Variants in APOL2 observed in about 807,000 individuals in gnomAD.
The protein encoded by APOL2 is apolipoprotein L, 2.
A neutral mutation model predicts 7.1 loss-of-function variants in APOL2; 8 were observed. The ratio of observed to expected loss-of-function variants is 1.12; its 90% CI spans 0.66 to 2.03. The LOEUF (loss-of-function observed/expected upper bound fraction) is 2.03, where lower values mean the gene tolerates loss of function less well. Among genes scored for constraint, APOL2 ranks in the 30% most tolerant of loss-of-function variants. The probability of loss-of-function intolerance (pLI) is 0.00; values close to 1 mark genes in which losing one functional copy is unlikely to be tolerated. For synonymous variants in APOL2, 177 were observed against 159.9 expected, an observed-to-expected ratio of 1.11 and a Z score of -0.81; for missense variants, 471 against 415.1, an observed-to-expected ratio of 1.13 and a Z score of -1.17.
upstream of APOL2, chr22:36,239,577 G>T: frequency 6.9e-7 from 1 of 1,458,200 alleles, no homozygotes; most frequent in Non-Finnish European, 9.4e-7. Context: ...ATTCGAAAGG[G>T]AAAGTGAAAG....
At chr22:36,239,719 T>A (rs55771205), upstream of APOL2, 124 of 560,130 alleles carry the variant, frequency 2.2e-4, 3 homozygotes, top group South Asian at 2.6e-3. Context: ...CGGGTCCCTC[T>A]CATCCAACCC....
rs762951536 is a variant in APOL2 at position 36,228,188 on chromosome 22, T to C, written c.230A>G (p.His77Arg). The C allele has an allele frequency of 9.3e-6, 15 of 1,614,128 alleles. No homozygotes were observed. Among genetic ancestry groups the C allele is most frequent in the Non-Finnish European group, 1.3e-5 (15 of 1,180,044 alleles). Residue 77 changes from histidine to arginine, a missense_variant, in exon 5 of 5, where the codon CAC (histidine) becomes CGC (arginine). By Grantham distance (29) the His-to-Arg change is conservative. Coordinates refer to ENST00000358502, the MANE Select transcript of APOL2 (RefSeq NM_030882.4). ...AAACTCTTTCAAAAACCACTGCCTGTGCTGCTGGTCTTTATCGTGGCGGTT... is the reference window on the plus strand; with the variant it reads ...AAACTCTTTCAAAAACCACTGCCTGCGCTGCTGGTCTTTATCGTGGCGGTT... ...DKNRHDKDQQ[H>R]RQWFLKEFPR...
At chr22:36,228,333 A>C in intron 4 of APOL2, 53 bp from the exon 5 acceptor site, 1 of 1,553,450 alleles carries the variant, frequency 6.4e-7, no homozygotes, top group Non-Finnish European at 8.7e-7. Flanking sequence ...TATCTGTGAA[A>C]TGAGCTCCAT....
chr22:36,239,218 T>C, intron 1 of APOL2: 2 of 1,333,342 alleles, frequency 1.5e-6, no homozygotes, highest in South Asian at 2.1e-5. Flanking sequence ...CCATCTAAGC[T>C]GTTTTCCCCA....
At chr22:36,235,773 G>GTA (rs2015384266) in intron 1 of APOL2, among the ~76,000 whole-genome samples, 1 of 150,636 alleles carries the variant, frequency 6.6e-6, no homozygotes, top group Non-Finnish European at 1.5e-5. Context: ...GTGTGTGTGT[G>GTA]TGTGTGTGTG....
intron 1 of APOL2, chr22:36,236,482 T>G (rs529315455): frequency 1.4e-4 from 121 of 838,032 alleles, no homozygotes; most frequent in East Asian, 3.7e-4. Flanking sequence ...ATAGAGGGAG[T>G]GTACAAACAA....
rs1401510934 is a variant in APOL2, at chr22:36,227,667, C to G, written c.751G>C (p.Ala251Pro). Residue 251 changes from alanine to proline, a missense_variant, in exon 5 of 5, where the codon GCT becomes CCT. By Grantham distance (27) the Ala-to-Pro change is conservative (BLOSUM62 -1). Transcript: ENST00000358502. ...CTCTCAACCTGTTCACCGCCTTCAG[C>G]TGAGATTCGCCCAATGACATGCGGG... ...PPPHVIGRIS[A>P]EGGEQVERVV... is the part of the protein sequence containing the mutation. 6.2e-7 allele frequency: 1 copy of G among 1,614,150 alleles called. No individual in the cohort carries two copies. Among genetic ancestry groups the G allele is most frequent in the African/African-American group, 1.3e-5 (1 of 74,950 alleles).
At chr22:36,232,822 C>T (rs1432863865) in intron 3 of APOL2, among the ~76,000 whole-genome samples, 1 of 152,056 alleles carries the variant, frequency 6.6e-6, no homozygotes, top group East Asian at 1.9e-4. Context: ...CCCACCCCTC[C>T]CCTCCTCCTG....
chr22:36,238,795 A>G (rs973412303), intron 1 of APOL2, among the ~76,000 whole-genome samples: 4 of 152,190 alleles, frequency 2.6e-5, no homozygotes, highest in African/African-American at 9.7e-5. Flanking sequence ...AGGTCTGAAC[A>G]GAGGGACAGA....
At position 36,226,745 on chromosome 22, in the gene APOL2, T is replaced by C. The variant is rs1374169582; in HGVS notation, c.*659A>G. The C allele has an allele frequency of 3.8e-5, 6 of 156,344 alleles. No individual in the cohort carries two copies. Among genetic ancestry groups the C allele is most frequent in the Admixed American group, 2.6e-4 (4 of 15,460 alleles). The allele number at this position is 156,344 out of a possible 1,614,324, so 9.7% of individuals were successfully genotyped here. A position where few individuals can be genotyped will look rare whatever the true frequency, so the allele number is the denominator to read the frequency against. Reference sequence around the variant, plus strand: ...CTGGTTTTCTCCATTTTCAGCTCTTTCTTTTCCTGGCCTTCTCATTGCTGG... The same window carrying C: ...CTGGTTTTCTCCATTTTCAGCTCTTCCTTTTCCTGGCCTTCTCATTGCTGG... On this transcript the variant is annotated 3_prime_UTR_variant, in exon 5 of 5. Coordinates refer to ENST00000358502, the MANE Select transcript of APOL2 (RefSeq NM_030882.4).
chr22:36,238,091 G>C (rs1015815872), intron 1 of APOL2, among the ~76,000 whole-genome samples: 5 of 152,134 alleles, frequency 3.3e-5, no homozygotes, highest in African/African-American at 1.2e-4. Flanking sequence ...GTGGCTCTTT[G>C]GGCCTCTGTC....
Position 36,231,372 on chromosome 22 carries a change from C to T in APOL2, c.105G>A (p.Trp35Ter). 1 of 1,614,170 alleles carries T rather than the reference C, an allele frequency of 6.2e-7. No homozygotes were observed. Among genetic ancestry groups the T allele is most frequent in the Non-Finnish European group, 8.5e-7 (1 of 1,179,984 alleles). Residue 35 changes from tryptophan (W) to a stop codon, truncating the protein, a stop_gained, in exon 4 of 5, where the codon TGG (tryptophan) becomes TGA (stop). Coordinates refer to ENST00000358502, the MANE Select transcript of APOL2 (RefSeq NM_030882.4). LOFTEE classifies it low-confidence loss of function (END_TRUNC). ...LLQLLTDDEA[W>*]NGFVAAAELP... is the part of the protein sequence containing the mutation. ...GTTCAGCAGCAGCCACGAATCCATT[C>T]CAGGCTTCATCATCAGTCAGCAGTT...
At chr22:36,238,943 G>C (rs1488557468) in intron 1 of APOL2, among the ~76,000 whole-genome samples, 1 of 152,248 alleles carries the variant, frequency 6.6e-6, no homozygotes, top group Non-Finnish European at 1.5e-5. Context: ...CTCAGGGTGA[G>C]TGAGACAACC....
upstream of APOL2, chr22:36,239,694 C>A (rs1440903883): frequency 5.1e-6 from 3 of 587,064 alleles, no homozygotes; most frequent in Admixed American, 5.7e-5. Context: ...GAGGAGCAGC[C>A]GCAGACCAGA....
In APOL2 at chr22:36,233,447, C is replaced by T. The variant is rs907173021; in HGVS notation, c.-125G>A. The T allele has an allele frequency of 4.5e-6, 7 of 1,550,092 alleles. No individual in the cohort carries two copies. In the African/African-American group the frequency reaches 8.2e-5, roughly 18 times the overall value. ...CCTCACTCTCACACCAAGGCAGGGT[C>T]CTCTTGTCCTGTAGGGGTATGAGAA... On this transcript the variant is annotated 5_prime_UTR_variant, in exon 2 of 5. Transcript: ENST00000358502.
At chr22:36,236,903 C>T (rs1205672238) in intron 1 of APOL2, 27 of 1,299,334 alleles carry the variant, frequency 2.1e-5, no homozygotes, top group Middle Eastern at 2.9e-4. Flanking sequence ...GACGGGGTGA[C>T]GGGAGGGGGT....
rs774606615 is a variant in APOL2, at chr22:36,227,577, C to T, written c.841G>A (p.Gly281Ser). 1 of 1,614,240 alleles carries T rather than the reference C, an allele frequency of 6.2e-7. No homozygotes were observed. The highest frequency in any genetic ancestry group is 8.5e-7 in the Non-Finnish European group (1 of 1,180,052). Residue 281 changes from glycine to serine, a missense_variant, in exon 5 of 5, where the codon GGC (glycine) becomes AGC (serine). By Grantham distance (56) the Gly-to-Ser change is moderately conservative. Coordinates refer to ENST00000358502, the MANE Select transcript of APOL2 (RefSeq NM_030882.4). The part of the protein sequence containing the change: ...GTMIVGAATG[G>S]ILLLLDVVSL... The stretch of plus-strand genomic sequence containing the variant: ...ACCACATCCAGCAGAAGCAAGATGC[C>T]TCCAGTGGCTGCACCCACGATCATG...
intron 1 of APOL2, chr22:36,236,935 C>T: frequency 3.8e-6 from 5 of 1,321,528 alleles, no homozygotes; most frequent in Non-Finnish European, 4.8e-6. Context: ...CTTCTTCCTG[C>T]TTTGTTCACT....
Position 36,235,578 on chromosome 22 carries a change from G to A in APOL2, c.-133-2123C>T, listed in dbSNP as rs569397819. ...TAAAAGGTGATGATCAAATAAACAA[G>A]TCTAGAGAGACCATGTGAAAGAAAG... On this transcript the variant is annotated intron_variant, in intron 1 of 4. Coordinates refer to ENST00000358502, the MANE Select transcript of APOL2 (RefSeq NM_030882.4). 2.0e-5 allele frequency among the ~76,000 whole-genome samples: 3 copies of A among 152,166 alleles called. No homozygotes were observed. In the South Asian group the frequency reaches 6.2e-4, roughly 32 times the overall value.
Sources: allele counts gnomAD v4.1 joint callset (sites outside exome capture counted in the v4.1 genomes callset), GRCh38; gene constraint gnomAD v4.1.1; transcripts MANE v1.5; gene names NCBI Gene and HGNC (gene_info 2026-07-23, HGNC 2026-07-21).